The following NEK11 variants were observed in gnomAD, a reference collection of about 807,000 sequenced individuals.
NEK11 encodes the protein NIMA related kinase 11.
A neutral mutation model predicts 80.7 loss-of-function variants in NEK11; 72 were observed. That is an observed-to-expected ratio of 0.89 (90% CI 0.74 to 1.08). The LOEUF (loss-of-function observed/expected upper bound fraction) is 1.08, where lower values mean the gene tolerates loss of function less well. NEK11 is among the 50% of genes least tolerant of loss of function. The pLI is 0.00. For missense variants in NEK11, 764 were observed against 763.6 expected, an observed-to-expected ratio of 1.00 and a Z score of -0.01; for synonymous variants, 251 against 260.7, an observed-to-expected ratio of 0.96 and a Z score of 0.36.
At chr3:131,197,826 C>A (rs1160185597) in intron 14 of NEK11, among the ~76,000 whole-genome samples, 1 of 152,092 alleles carries the variant, frequency 6.6e-6, no homozygotes, top group African/African-American at 2.4e-5. Context: ...CTTCTATAAG[C>A]ATTTCTAATG....
chr3:131,215,759 C>T (rs1034622462), intron 14 of NEK11, among the ~76,000 whole-genome samples: 1 of 152,132 alleles, frequency 6.6e-6, no homozygotes, highest in African/African-American at 2.4e-5. Context: ...CTTCTCTTTG[C>T]AGAGGTGGGG....
At chr3:131,332,040 A>G (rs1246450053) in intron 17 of NEK11, among the ~76,000 whole-genome samples, 1 of 152,228 alleles carries the variant, frequency 6.6e-6, no homozygotes, top group East Asian at 1.9e-4. Context: ...GGGGCAGGGC[A>G]CAGACAAACA....
At chr3:131,144,746 A>G (rs1409989833) in intron 7 of NEK11, among the ~76,000 whole-genome samples, 1 of 152,152 alleles carries the variant, frequency 6.6e-6, no homozygotes, top group Admixed American at 6.6e-5. Flanking sequence ...CATTCCAGGT[A>G]GGTGCACTGG....
At chr3:131,189,436 G>A (rs2093711930) in intron 14 of NEK11, among the ~76,000 whole-genome samples, 1 of 152,148 alleles carries the variant, frequency 6.6e-6, no homozygotes. Context: ...TGTCTGGCAA[G>A]GGCCTATTTT....
At chr3:131,213,452 G>A (rs908397) in intron 14 of NEK11, among the ~76,000 whole-genome samples, 2,212 of 152,278 alleles carry the variant, frequency 0.015, 50 homozygotes, top group African/African-American at 0.051. Flanking sequence ...CTGTCTGCCA[G>A]CAATTATACA....
intron 17 of NEK11, among the ~76,000 whole-genome samples, chr3:131,326,781 T>C (rs1430322979): frequency 6.6e-6 from 1 of 152,226 alleles, no homozygotes; most frequent in Non-Finnish European, 1.5e-5. Flanking sequence ...TGCTAGGTCA[T>C]GCTCTGTGCT....
At chr3:131,221,401 G>A (rs1489634929) in intron 14 of NEK11, among the ~76,000 whole-genome samples, 1 of 152,164 alleles carries the variant, frequency 6.6e-6, no homozygotes, top group African/African-American at 2.4e-5. Flanking sequence ...TCAGTAGGTT[G>A]GAGGTATAGG....
intron 10 of NEK11, among the ~76,000 whole-genome samples, chr3:131,158,929 C>T (rs973253755): frequency 2.6e-5 from 4 of 152,124 alleles, no homozygotes; most frequent in African/African-American, 9.7e-5. Flanking sequence ...GCCCCCCCAG[C>T]GCAATGAGTT....
chr3:131,264,417 A>G (rs1023726300), intron 16 of NEK11, among the ~76,000 whole-genome samples: 4 of 152,210 alleles, frequency 2.6e-5, no homozygotes, highest in Admixed American at 6.6e-5. Flanking sequence ...ATCCAGTTTC[A>G]TCTTTCTGCA....
chr3:131,162,866 A>G (rs2091800581), intron 11 of NEK11, among the ~76,000 whole-genome samples: 1 of 152,138 alleles, frequency 6.6e-6, no homozygotes, highest in African/African-American at 2.4e-5. Flanking sequence ...TTTCACCCGG[A>G]TTCCCTAGGT....
chr3:131,048,182 C>T (rs1316992574), intron 3 of NEK11, among the ~76,000 whole-genome samples: 1 of 152,170 alleles, frequency 6.6e-6, no homozygotes, highest in East Asian at 1.9e-4. Flanking sequence ...GAGCTGGGAA[C>T]TTTCCCCAGG....
intron 3 of NEK11, among the ~76,000 whole-genome samples, chr3:131,079,387 A>G (rs1305865889): frequency 6.6e-6 from 1 of 152,250 alleles, no homozygotes; most frequent in Non-Finnish European, 1.5e-5. Flanking sequence ...CTACTATAAT[A>G]CATTTTTATT....
chr3:131,138,477 A>G (rs1008514718), intron 7 of NEK11, among the ~76,000 whole-genome samples: 2 of 152,182 alleles, frequency 1.3e-5, no homozygotes, highest in Non-Finnish European at 2.9e-5. Flanking sequence ...CCCAGGACCT[A>G]GGAAACTCAC....
At chr3:131,254,683 A>G (rs1426318579) in intron 16 of NEK11, among the ~76,000 whole-genome samples, 3 of 152,130 alleles carry the variant, frequency 2.0e-5, no homozygotes, top group Non-Finnish European at 2.9e-5. Context: ...ATAGTTTACC[A>G]AGGACATGTA....
intron 5 of NEK11, among the ~76,000 whole-genome samples, chr3:131,128,626 A>G (rs1435438147): frequency 6.6e-6 from 1 of 152,230 alleles, no homozygotes; most frequent in Non-Finnish European, 1.5e-5. Flanking sequence ...ACCATTGTGC[A>G]GGTTTTTGTG....
At chr3:131,349,484 A>AT (rs2097422154) in intron 17 of NEK11, 73 bp from the exon 18 acceptor site, 1 of 1,287,672 alleles carries the variant, frequency 7.8e-7, no homozygotes, top group Non-Finnish European at 1.1e-6. Context: ...AAAATCAATG[A>AT]TTTAAAAGCA....
intron 5 of NEK11, among the ~76,000 whole-genome samples, chr3:131,115,850 G>C (rs1002193582): frequency 4.6e-5 from 7 of 152,174 alleles, no homozygotes; most frequent in Admixed American, 2.6e-4. Flanking sequence ...TTCCCAGCCA[G>C]CTTGGCGAGG....
intron 14 of NEK11, among the ~76,000 whole-genome samples, chr3:131,186,860 G>A (rs2093621098): frequency 6.6e-6 from 1 of 152,080 alleles, no homozygotes; most frequent in Non-Finnish European, 1.5e-5. Context: ...TCTGCTTTGG[G>A]TTTATAATAA....
At chr3:131,266,101 C>G (rs2096052313) in intron 16 of NEK11, among the ~76,000 whole-genome samples, 1 of 152,134 alleles carries the variant, frequency 6.6e-6, no homozygotes, top group Non-Finnish European at 1.5e-5. Context: ...TGATTCTTCT[C>G]TCTTTTCTTC....
Sources: allele counts gnomAD v4.1 joint callset (sites outside exome capture counted in the v4.1 genomes callset), GRCh38; gene constraint gnomAD v4.1.1; transcripts MANE v1.5; gene names NCBI Gene and HGNC (gene_info 2026-07-23, HGNC 2026-07-21).